The following CCSER2 variants were observed in gnomAD, a reference collection of about 807,000 sequenced individuals.
CCSER2 encodes the protein serine-rich coiled-coil domain-containing protein 2.
CCSER2 carries 46 observed loss-of-function variants against 92.3 expected under a neutral mutation model. The ratio of observed to expected loss-of-function variants is 0.50; its 90% confidence interval spans 0.39 to 0.64. The LOEUF is 0.64. CCSER2 is among the 30% of genes least tolerant of loss of function. The pLI is 0.00. For missense variants in CCSER2, 1,244 were observed against 1,238.9 expected (o/e 1.00, Z -0.06); for synonymous variants, 433 against 431.4 (o/e 1.00, Z -0.04).
intron 4 of CCSER2, among the ~76,000 whole-genome samples, chr10:84,418,254 T>G (rs1402718327): frequency 1.3e-5 from 2 of 152,228 alleles, no homozygotes; most frequent in Admixed American, 1.3e-4. Flanking sequence ...TTTATAGAGA[T>G]TAATTCTGGG....
intron 3 of CCSER2, among the ~76,000 whole-genome samples, chr10:84,404,699 A>C (rs1842291075): frequency 6.6e-6 from 1 of 152,234 alleles, no homozygotes; most frequent in Non-Finnish European, 1.5e-5. Context: ...CTAATAAGTG[A>C]GTTTAGCAAT....
At chr10:84,449,536 A>G (rs1379829845) in intron 6 of CCSER2, among the ~76,000 whole-genome samples, 2 of 152,292 alleles carry the variant, frequency 1.3e-5, no homozygotes, top group African/African-American at 4.8e-5. Flanking sequence ...GTTGTGAAGA[A>G]TGCATGAGGC....
chr10:84,501,723 T>C (rs1489137427), intron 9 of CCSER2, among the ~76,000 whole-genome samples: 24 of 145,832 alleles, frequency 1.6e-4, no homozygotes, highest in African/African-American at 4.9e-4. Context: ...CTGCTTTTTT[T>C]TTTTTTTAAA....
In CCSER2 at chr10:84,328,774, G is replaced by A. The variant is rs2132942924; in HGVS notation, c.-74G>A. 6.6e-6 allele frequency: 1 copy of A among 151,670 alleles called. No individual in the cohort carries two copies. Among genetic ancestry groups the A allele is most frequent in the South Asian group, 2.0e-4 (1 of 4,956 alleles). The allele number at this position is 151,670 out of a possible 1,614,324, so 9.4% of individuals were successfully genotyped here. On this transcript the variant is annotated 5_prime_UTR_variant, in exon 1 of 10. Coordinates refer to ENST00000372088, the MANE Select transcript of CCSER2 (RefSeq NM_001284240.2). ...CAGGTCGCAGGGCGGCCTGCAGCTG[G>A]GCCGCGGCCGAGGAGGCAGCGCGAC...
At chr10:84,400,738 T>C (rs1589555578) in intron 3 of CCSER2, among the ~76,000 whole-genome samples, 2 of 151,776 alleles carry the variant, frequency 1.3e-5, no homozygotes, top group East Asian at 3.9e-4. Context: ...ACATGACGAA[T>C]CCTCATCTCT....
intron 1 of CCSER2, among the ~76,000 whole-genome samples, chr10:84,356,309 G>A (rs1166317497): frequency 1.3e-5 from 2 of 152,088 alleles, no homozygotes; most frequent in African/African-American, 4.8e-5. Flanking sequence ...CAGATTCTCA[G>A]TGTCGGTACT....
intron 6 of CCSER2, among the ~76,000 whole-genome samples, chr10:84,453,155 AT>A (rs71914563): frequency 1.2e-3 from 171 of 148,554 alleles, no homozygotes; most frequent in African/African-American, 3.8e-3. Context: ...ATTTTATTTC[AT>A]TTTTTTTTTC....
chr10:84,354,699 A>G (rs1045192475), intron 1 of CCSER2, among the ~76,000 whole-genome samples: 4 of 151,590 alleles, frequency 2.6e-5, no homozygotes, highest in Non-Finnish European at 4.4e-5. Flanking sequence ...TTCCCAAATC[A>G]TCATCTTCCT....
At chr10:84,413,196 G>A (rs1360226251) in intron 3 of CCSER2, among the ~76,000 whole-genome samples, 4 of 150,898 alleles carry the variant, frequency 2.7e-5, no homozygotes, top group South Asian at 2.1e-4. Flanking sequence ...GCTCACTTTG[G>A]GGTTGGTTTG....
intron 6 of CCSER2, among the ~76,000 whole-genome samples, chr10:84,450,426 C>T (rs1845208349): frequency 6.6e-6 from 1 of 152,144 alleles, no homozygotes; most frequent in East Asian, 1.9e-4. Context: ...TGGATATGTG[C>T]ATACACATGT....
chr10:84,401,140 G>T (rs1434071018), intron 3 of CCSER2, among the ~76,000 whole-genome samples: 3 of 152,106 alleles, frequency 2.0e-5, no homozygotes, highest in Non-Finnish European at 1.5e-5. Flanking sequence ...ATCAAAGCTT[G>T]TACCTTAAGA....
chr10:84,465,239 TTGTGTGTGTGTGTGTGTG>T (rs59254139), intron 7 of CCSER2, among the ~76,000 whole-genome samples: 23,441 of 106,746 alleles, frequency 0.22, 3,776 homozygotes, highest in East Asian at 0.61. Flanking sequence ...TTTCCTGAAT[TTGTGTGTGTGTGTGTGTG>T]TGTGTGTGTG....
intron 1 of CCSER2, among the ~76,000 whole-genome samples, chr10:84,355,453 T>C (rs1189494730): frequency 6.6e-6 from 1 of 152,188 alleles, no homozygotes; most frequent in East Asian, 1.9e-4. Flanking sequence ...AGCTCAAGCA[T>C]TGCCTCCTCT....
chr10:84,484,921 G>T (rs992452881), intron 9 of CCSER2, among the ~76,000 whole-genome samples: 1 of 151,968 alleles, frequency 6.6e-6, no homozygotes, highest in Non-Finnish European at 1.5e-5. Flanking sequence ...TTAAGGATAC[G>T]AACAAATTAA....
chr10:84,484,027 G>A (rs1182632403), intron 9 of CCSER2, among the ~76,000 whole-genome samples: 4 of 129,884 alleles, frequency 3.1e-5, no homozygotes, highest in Non-Finnish European at 6.4e-5. Flanking sequence ...ACGGAGTCTC[G>A]CTCTGTCGTG....
chr10:84,338,900 A>G (rs1397088576), intron 1 of CCSER2, among the ~76,000 whole-genome samples: 1 of 152,082 alleles, frequency 6.6e-6, no homozygotes, highest in Non-Finnish European at 1.5e-5. Context: ...ATGTTTAAGT[A>G]AATAGTAGTC....
rs143578901 is a variant in CCSER2 at position 84,442,440 on chromosome 10, A to G, written c.2064+3733A>G. On this transcript the variant is annotated intron_variant, in intron 6 of 9. Coordinates refer to ENST00000372088, the MANE Select transcript of CCSER2 (RefSeq NM_001284240.2). ...AAAGGGGAGATTGTTGACTGAAAAAAGTAGGTTATAAGGCTGTATGTATAT... is the reference window on the plus strand; with the variant it reads ...AAAGGGGAGATTGTTGACTGAAAAAGGTAGGTTATAAGGCTGTATGTATAT... Among the ~76,000 whole-genome samples, 346 of 152,328 alleles carry G rather than the reference A, an allele frequency of 2.3e-3. 3 individuals are homozygous for G. The highest frequency in any genetic ancestry group is 8.0e-3 in the African/African-American group (333 of 41,574).
chr10:84,364,916 A>G lies in CCSER2; in HGVS notation c.-39-6098A>G, dbSNP rs540431712. On this transcript the variant is annotated intron_variant, in intron 1 of 9. Coordinates refer to ENST00000372088, the MANE Select transcript of CCSER2 (RefSeq NM_001284240.2). The stretch of plus-strand genomic sequence containing the variant: ...GCCACCATGCCTGGCTAATTTTTGT[A>G]TTTGTGGCAGAGACAGGGTCTCACC... Among the ~76,000 whole-genome samples the G allele has an allele frequency of 6.6e-5, 10 of 151,678 alleles. No individual in the cohort carries two copies. The South Asian group carries it at 2.1e-3, about 32-fold the overall frequency.
intron 3 of CCSER2, among the ~76,000 whole-genome samples, chr10:84,396,981 TATAGAG>T (rs1183677358): frequency 1.3e-5 from 2 of 152,240 alleles, no homozygotes; most frequent in Admixed American, 1.3e-4. Flanking sequence ...ACTATGCTAG[TATAGAG>T]CAGTATTATT....
Sources: allele counts gnomAD v4.1 joint callset (sites outside exome capture counted in the v4.1 genomes callset), GRCh38; gene constraint gnomAD v4.1.1; transcripts MANE v1.5; gene names NCBI Gene and HGNC (gene_info 2026-07-23, HGNC 2026-07-21).